GPHN: variants seen among roughly 807,000 people sequenced by gnomAD.
GPHN encodes gephyrin.
In GPHN, 17 loss-of-function variants were observed where a neutral mutation model predicts 95.5. The observed-to-expected ratio is 0.18, with a 90% confidence interval of 0.12 to 0.27. GPHN has a LOEUF of 0.27. Among genes scored for constraint, GPHN ranks in the 10% least tolerant of loss-of-function variants. The pLI, the probability that GPHN is intolerant of heterozygous loss-of-function variation, is 1.00. For missense variants in GPHN, 660 were observed against 978.1 expected (o/e 0.67, Z 4.34); for synonymous variants, 320 against 322.5 (o/e 0.99, Z 0.08).
At chr14:67,379,690 T>C in the GPHN span, among the ~76,000 whole-genome samples, 3 of 128,460 alleles carry the variant, frequency 2.3e-5, 1 homozygote, top group East Asian at 6.6e-4. Context: ...AGTCTCGCTC[T>C]GTCGCCCAGG....
the GPHN span, chr14:67,662,987 AACTCG>A: frequency 7.2e-7 from 1 of 1,389,514 alleles, no homozygotes; most frequent in Non-Finnish European, 9.3e-7. Flanking sequence ...CTTCTATGTT[AACTCG>A]TACACTACTT....
At chr14:67,189,635 A>G in the GPHN span, 3 of 152,142 alleles carry the variant, frequency 2.0e-5, no homozygotes, top group Non-Finnish European at 4.4e-5. Flanking sequence ...GAATAGTTCA[A>G]TTAATTCTGG....
At chr14:67,656,022 G>A in the GPHN span, among the ~76,000 whole-genome samples, 1 of 152,140 alleles carries the variant, frequency 6.6e-6, no homozygotes, top group Non-Finnish European at 1.5e-5. Context: ...GGAGCAGGTG[G>A]ATCACCTGAA....
At position 66,686,676 on chromosome 14, in the gene GPHN, C is replaced by T. The variant is rs148057199; in HGVS notation, c.143+5491C>T. On this transcript the variant is annotated intron_variant, in intron 2 of 22. Transcript: ENST00000478722. ...CTGAGACGGTGGGGTTTTCTAAATA[C>T]ACAATCATGTCATGTGCAAACAGGG... Among the ~76,000 whole-genome samples, 416 of 152,258 alleles carry T rather than the reference C, an allele frequency of 2.7e-3. 5 individuals carry two copies. The East Asian group carries it at 0.047, about 17-fold the overall frequency.
intron 10 of GPHN, among the ~76,000 whole-genome samples, chr14:67,024,779 G>A (rs779495789): frequency 1.3e-5 from 2 of 152,144 alleles, no homozygotes; most frequent in South Asian, 2.1e-4. Context: ...TTTTTATTGG[G>A]GTTGGGTCAC....
chr14:66,683,376 ATATGTT>A (rs2067106083), intron 2 of GPHN, among the ~76,000 whole-genome samples: 1 of 123,066 alleles, frequency 8.1e-6, no homozygotes, highest in African/African-American at 3.7e-5. Context: ...ATATATATAT[ATATGTT>A]CATATATATA....
chr14:67,196,731 C>G, the GPHN span: 8 of 152,188 alleles, frequency 5.3e-5, no homozygotes, highest in Non-Finnish European at 7.3e-5. Flanking sequence ...GGACTCATGA[C>G]TCTGGTTCCA....
At chr14:67,473,366 C>T in the GPHN span, 1 of 1,586,226 alleles carries the variant, frequency 6.3e-7, no homozygotes, top group Non-Finnish European at 8.6e-7. This position sits in a 1 kb window ranked among gnomAD's most constrained non-coding sequence, Gnocchi z 6.5. Context: ...CCAGCTTGGT[C>T]TCTTTGTCCA....
chr14:67,690,782 A>C, the GPHN span: 1 of 380,076 alleles, frequency 2.6e-6, no homozygotes, highest in Non-Finnish European at 4.8e-6. Flanking sequence ...CAGGAGTTTA[A>C]GTACAGCCTG....
chr14:66,929,298 G>A (rs773465183), intron 8 of GPHN, among the ~76,000 whole-genome samples: 17 of 151,772 alleles, frequency 1.1e-4, no homozygotes, highest in Non-Finnish European at 1.2e-4. Context: ...CAAGCGATCC[G>A]CCTCCCAAAG....
At chr14:67,248,851 G>T in the GPHN span, among the ~76,000 whole-genome samples, 18 of 152,082 alleles carry the variant, frequency 1.2e-4, no homozygotes, top group African/African-American at 4.1e-4. Context: ...ATAGAGATGG[G>T]GTCTCACTGT....
intron 9 of GPHN, among the ~76,000 whole-genome samples, chr14:66,975,499 G>T (rs1028649176): frequency 6.6e-6 from 1 of 152,098 alleles, no homozygotes. Flanking sequence ...ACCCAAAGTC[G>T]TCTGAAAAGC....
chr14:67,620,965 G>C, the GPHN span: 4 of 1,614,050 alleles, frequency 2.5e-6, no homozygotes, highest in African/African-American at 2.7e-5. Context: ...TCTCCAGTTT[G>C]GGTAAGTGGT....
the GPHN span, chr14:67,586,898 A>G: frequency 5.9e-6 from 9 of 1,530,974 alleles, no homozygotes; most frequent in Non-Finnish European, 7.9e-6. Context: ...AGCCCACACC[A>G]CTGGGCCTCT....
At chr14:67,245,490 T>C in the GPHN span, among the ~76,000 whole-genome samples, 1 of 152,152 alleles carries the variant, frequency 6.6e-6, no homozygotes, top group Non-Finnish European at 1.5e-5. Context: ...TATTGTCTTA[T>C]TGCTGAATTT....
the GPHN span, among the ~76,000 whole-genome samples, chr14:67,211,032 C>T: frequency 1.3e-5 from 2 of 152,082 alleles, no homozygotes; most frequent in African/African-American, 4.8e-5. Context: ...ATAAGCTTTG[C>T]AGTCAGATCT....
At chr14:67,424,415 C>A in the GPHN span, among the ~76,000 whole-genome samples, 1 of 151,612 alleles carries the variant, frequency 6.6e-6, no homozygotes, top group South Asian at 2.1e-4. Context: ...CTCAAGAGTT[C>A]AAGACCAGCC....
chr14:67,237,991 AC>A, the GPHN span, among the ~76,000 whole-genome samples: 1 of 152,088 alleles, frequency 6.6e-6, no homozygotes, highest in Admixed American at 6.5e-5. Flanking sequence ...AAATCCTAAA[AC>A]TAGGGGGAAA....
chr14:67,556,391 C>T, the GPHN span, among the ~76,000 whole-genome samples: 1 of 152,348 alleles, frequency 6.6e-6, no homozygotes, highest in East Asian at 1.9e-4. Context: ...CTACCTCAGC[C>T]TCCCAAAGTG....
Sources: gnomAD v4.1 joint callset for allele counts (sites outside exome capture counted in the v4.1 genomes callset) on GRCh38, gnomAD v4.1.1 for gene constraint, Gnocchi (gnomAD v3.1) non-coding constraint, MANE v1.5 for transcripts, NCBI Gene and HGNC (gene_info 2026-07-23, HGNC 2026-07-21) for gene names.